The following WWOX variants were observed in gnomAD, a reference collection of about 807,000 sequenced individuals.
The protein encoded by WWOX is WW domain-containing oxidoreductase.
A neutral mutation model predicts 46.2 loss-of-function variants in WWOX; 69 were observed. The observed-to-expected ratio is 1.49, with a 90% CI of 1.23 to 1.82. The LOEUF is 1.82. Ranked by LOEUF, WWOX falls within the 40% of genes most tolerant of loss-of-function variation. WWOX has a pLI of 0.00. For synonymous variants in WWOX, 359 were observed against 202.6 expected, an observed-to-expected ratio of 1.77 and a Z score of -6.56; for missense variants, 919 against 542.6, an observed-to-expected ratio of 1.69 and a Z score of -6.89.
intron 8 of WWOX, among the ~76,000 whole-genome samples, chr16:78,927,354 G>A (rs556132520): frequency 1.3e-5 from 2 of 152,148 alleles, no homozygotes; most frequent in African/African-American, 4.8e-5. Flanking sequence ...TAATTTCCTT[G>A]AGTTTTGGTG....
At chr16:79,090,949 C>G (rs553084537) in intron 8 of WWOX, among the ~76,000 whole-genome samples, 1 of 152,280 alleles carries the variant, frequency 6.6e-6, no homozygotes, top group East Asian at 1.9e-4. Context: ...ATTCATGCCA[C>G]CGCACCCAGC....
Position 78,099,755 on chromosome 16 carries a change from G to A in WWOX, c.-24G>A, listed in dbSNP as rs761381097. The A allele has an allele frequency of 1.2e-5, 18 of 1,527,856 alleles. No homozygotes were observed. Among genetic ancestry groups the A allele is most frequent in the South Asian group, 8.6e-5 (7 of 81,364 alleles). 94.6% of individuals were successfully genotyped at this position (1,527,856 alleles called of 1,614,324 possible). On this transcript the variant is annotated 5_prime_UTR_variant, in exon 1 of 9. Coordinates refer to ENST00000566780, the MANE Select transcript of WWOX (RefSeq NM_016373.4). ...TGGACCCGGCAGCGGGCGATAGGGG[G>A]GCCAGGTGCCTCCACAGTCAGCCAT... is the stretch of plus-strand genomic sequence containing the variant.
At chr16:79,176,897 G>C (rs1010123843) in intron 8 of WWOX, among the ~76,000 whole-genome samples, 2 of 151,992 alleles carry the variant, frequency 1.3e-5, no homozygotes, top group African/African-American at 4.8e-5. Flanking sequence ...CATAATCCAG[G>C]CCGACTTTGG....
chr16:78,873,655 T>C (rs1040437994), intron 8 of WWOX: 2 of 152,124 alleles, frequency 1.3e-5, no homozygotes, highest in Admixed American at 1.3e-4. Flanking sequence ...CTGGGCATGA[T>C]GTTGCATGCC....
At chr16:78,337,404 T>G (rs1320601664) in intron 5 of WWOX, among the ~76,000 whole-genome samples, 1 of 152,196 alleles carries the variant, frequency 6.6e-6, no homozygotes, top group East Asian at 1.9e-4. Flanking sequence ...TGATCCCTGG[T>G]CCTGCCCCTG....
intron 8 of WWOX, among the ~76,000 whole-genome samples, chr16:79,073,830 C>A (rs185297522): frequency 6.6e-6 from 1 of 152,030 alleles, no homozygotes; most frequent in South Asian, 2.1e-4. Flanking sequence ...TAGAAAAGTT[C>A]GTAACTATTT....
intron 5 of WWOX, among the ~76,000 whole-genome samples, chr16:78,186,730 A>T (rs2035718383): frequency 6.6e-6 from 1 of 152,234 alleles, no homozygotes; most frequent in Non-Finnish European, 1.5e-5. Flanking sequence ...GTGCCACTGC[A>T]CTCCAGCCTG....
intron 8 of WWOX, among the ~76,000 whole-genome samples, chr16:79,046,831 G>C (rs372163823): frequency 3.0e-4 from 45 of 152,264 alleles, no homozygotes; most frequent in African/African-American, 1.1e-3. Flanking sequence ...ATGTCTCTTT[G>C]TGTCCAACTC....
intron 8 of WWOX, among the ~76,000 whole-genome samples, chr16:78,914,894 A>G (rs2045210491): frequency 6.6e-6 from 1 of 151,416 alleles, no homozygotes; most frequent in Non-Finnish European, 1.5e-5. Flanking sequence ...AAAAAAAAAA[A>G]AAAAAAAAAG....
intron 7 of WWOX, among the ~76,000 whole-genome samples, chr16:78,429,757 A>T (rs1648615591): frequency 6.6e-6 from 1 of 152,238 alleles, no homozygotes; most frequent in African/African-American, 2.4e-5. Context: ...CATAACTTAC[A>T]TGCACAAATA....
In WWOX at chr16:78,930,516, C is replaced by G. The variant is rs2045601236; in HGVS notation, c.1057-281092C>G. 2.7e-5 allele frequency among the ~76,000 whole-genome samples: 4 copies of G among 145,670 alleles called. No homozygotes were observed. The Admixed American group carries it at 2.8e-4, about 10-fold the overall frequency. On this transcript the variant is annotated intron_variant, in intron 8 of 8. Coordinates refer to ENST00000566780, the MANE Select transcript of WWOX (RefSeq NM_016373.4). Reference sequence around the variant, plus strand: ...ATGTTGCCCAGGCTGGTCTTGAACTCCTAGCCTCAAGTGATCCGCCAGCCT... The same window carrying G: ...ATGTTGCCCAGGCTGGTCTTGAACTGCTAGCCTCAAGTGATCCGCCAGCCT...
At chr16:78,707,480 C>G (rs1424799017) in intron 8 of WWOX, among the ~76,000 whole-genome samples, 1 of 152,170 alleles carries the variant, frequency 6.6e-6, no homozygotes. Flanking sequence ...CTTCTCAGCT[C>G]ATTCTGCAAG....
chr16:78,953,171 G>T (rs766915513), intron 8 of WWOX, among the ~76,000 whole-genome samples: 1 of 152,124 alleles, frequency 6.6e-6, no homozygotes, highest in East Asian at 1.9e-4. Context: ...AAGTTCAGCC[G>T]TGGTTCTGAC....
At chr16:79,046,820 A>G (rs571746756) in intron 8 of WWOX, among the ~76,000 whole-genome samples, 180 of 152,098 alleles carry the variant, frequency 1.2e-3, no homozygotes, top group South Asian at 1.7e-3. Context: ...CACTACAACA[A>G]ATGTCTCTTT....
At chr16:78,504,679 G>A (rs11863365) in intron 8 of WWOX, among the ~76,000 whole-genome samples, 90,940 of 152,058 alleles carry the variant, frequency 0.6, 31,429 homozygotes, top group Non-Finnish European at 0.77. Flanking sequence ...TCTGTGCATC[G>A]GGGAGGATGG....
intron 8 of WWOX, among the ~76,000 whole-genome samples, chr16:79,057,471 C>T (rs926884867): frequency 4.6e-5 from 7 of 152,194 alleles, no homozygotes; most frequent in African/African-American, 1.4e-4. Context: ...TCATTAGAGT[C>T]TTTCTGTAAA....
chr16:78,383,196 C>T (rs1250760795), intron 5 of WWOX, among the ~76,000 whole-genome samples: 4 of 151,944 alleles, frequency 2.6e-5, no homozygotes, highest in Non-Finnish European at 4.4e-5. Context: ...GGTAGGGACA[C>T]AGAGCCAAAC....
intron 8 of WWOX, among the ~76,000 whole-genome samples, chr16:78,744,892 C>T (rs1597534428): frequency 6.6e-6 from 1 of 152,122 alleles, no homozygotes; most frequent in African/African-American, 2.4e-5. Flanking sequence ...TCTAGTTTTC[C>T]TCCAAGCTTC....
intron 8 of WWOX, among the ~76,000 whole-genome samples, chr16:78,958,946 C>A (rs1295338395): frequency 6.6e-6 from 1 of 152,162 alleles, no homozygotes; most frequent in Non-Finnish European, 1.5e-5. Flanking sequence ...AATAAGAGTT[C>A]TGGGTTCAAG....
Sources: gnomAD v4.1 joint callset for allele counts (sites outside exome capture counted in the v4.1 genomes callset) on GRCh38, gnomAD v4.1.1 for gene constraint, MANE v1.5 for transcripts, NCBI Gene and HGNC (gene_info 2026-07-23, HGNC 2026-07-21) for gene names.